Variants in NALCN observed in about 807,000 individuals in gnomAD.
NALCN encodes the protein sodium leak channel, non-selective.
In NALCN, 111 loss-of-function variants were observed where a neutral mutation model predicts 225.3. The observed-to-expected ratio is 0.49, with a 90% CI of 0.42 to 0.58. The LOEUF is 0.58. Among genes scored for constraint, NALCN ranks in the 20% least tolerant of loss-of-function variants. The pLI, the probability that NALCN is intolerant of heterozygous loss-of-function variation, is 0.00. For synonymous variants in NALCN, 764 were observed against 769.0 expected, an observed-to-expected ratio of 0.99 and a Z score of 0.11; for missense variants, 1,378 against 2,202.4, an observed-to-expected ratio of 0.63 and a Z score of 7.49.
intron 6 of NALCN, among the ~76,000 whole-genome samples, chr13:101,346,087 CTA>C (rs71121188): frequency 0.11 from 7,587 of 70,860 alleles, 441 homozygotes; most frequent in African/African-American, 0.18. Flanking sequence ...CTCTCTCTCT[CTA>C]TATATATATA....
At chr13:101,117,821 T>A (rs1482813353) in intron 18 of NALCN, among the ~76,000 whole-genome samples, 1 of 152,212 alleles carries the variant, frequency 6.6e-6, no homozygotes, top group Middle Eastern at 3.2e-3. Context: ...AAAGCTGCCA[T>A]CAACATCAAT....
At position 101,074,549 on chromosome 13, in the gene NALCN, T is replaced by G; in HGVS notation, c.4068A>C (p.Leu1356Phe). 1 of 1,613,182 alleles carries G rather than the reference T, an allele frequency of 6.2e-7. No individual in the cohort carries two copies. The highest frequency in any genetic ancestry group is 8.5e-7 in the Non-Finnish European group (1 of 1,179,800). The stretch of plus-strand genomic sequence containing the variant: ...TCTCCCCATATTTCACAGTACCAAA[T>G]AAAACAACTCCAGCAAAAGCGTAAC... Reference protein sequence around the residue: ...LLCYAFAGVVLFGTVKYGENI... With the variant: ...LLCYAFAGVVFFGTVKYGENI... The change falls in exon 36 of 44, where the codon TTA becomes TTC. Residue 1356 changes from leucine to phenylalanine, a missense_variant. By Grantham distance (22) the Leu-to-Phe change is conservative. Transcript: ENST00000251127.
chr13:101,198,346 G>A (rs1594416675), intron 13 of NALCN, among the ~76,000 whole-genome samples: 1 of 152,162 alleles, frequency 6.6e-6, no homozygotes, highest in Non-Finnish European at 1.5e-5. Flanking sequence ...CCATCAGAGT[G>A]AACAGGCAAC....
chr13:101,298,022 C>A (rs2043819356), intron 7 of NALCN, among the ~76,000 whole-genome samples: 1 of 152,202 alleles, frequency 6.6e-6, no homozygotes, highest in Non-Finnish European at 1.5e-5. Context: ...CGTTACTCAA[C>A]CACTATACAT....
intron 7 of NALCN, among the ~76,000 whole-genome samples, chr13:101,327,577 T>C (rs528386714): frequency 2.6e-5 from 4 of 152,292 alleles, no homozygotes; most frequent in African/African-American, 7.2e-5. Flanking sequence ...ACATAGCCTG[T>C]GTATTTGTGA....
At chr13:101,160,113 CCTGA>C (rs2038099986) in intron 15 of NALCN, among the ~76,000 whole-genome samples, 2 of 151,984 alleles carry the variant, frequency 1.3e-5, no homozygotes, top group Admixed American at 6.6e-5. Context: ...CACCACCATG[CCTGA>C]CTAATTTTTT....
intron 20 of NALCN, among the ~76,000 whole-genome samples, chr13:101,109,571 C>G (rs1436994551): frequency 6.6e-6 from 1 of 152,168 alleles, no homozygotes; most frequent in East Asian, 1.9e-4. Context: ...TGCTAGCCCT[C>G]CTTTCTCAAG....
At position 101,116,642 on chromosome 13, in the gene NALCN, T is replaced by G. The variant is rs193110068; in HGVS notation, c.2193-5416A>C. ...GAGTCTTCAAATTATTTTCACTCAT[T>G]ATAGAAAAGTTAGATTACACAATAC... On this transcript the variant is annotated intron_variant, in intron 18 of 43. Coordinates refer to ENST00000251127, the MANE Select transcript of NALCN (RefSeq NM_052867.4). The G allele has an allele frequency of 2.5e-5, 11 of 447,398 alleles. No individual in the cohort carries two copies. In the Admixed American group the frequency reaches 3.0e-4, roughly 12 times the overall value. 27.7% of individuals were successfully genotyped at this position (447,398 alleles called of 1,614,324 possible).
rs569737856 is a variant in NALCN, at chr13:101,149,242, A to G, written c.1840-4346T>C. ...CGGGAGGTGGAGCTTACAGTGAGCCAAGATTGTGCCACTGCACTCCAGCCT... is the reference window on the plus strand; with the variant it reads ...CGGGAGGTGGAGCTTACAGTGAGCCGAGATTGTGCCACTGCACTCCAGCCT... On this transcript the variant is annotated intron_variant, in intron 15 of 43. Coordinates refer to ENST00000251127, the MANE Select transcript of NALCN (RefSeq NM_052867.4). Among the ~76,000 whole-genome samples, 517 of 152,086 alleles carry G rather than the reference A, an allele frequency of 3.4e-3. 7 individuals carry two copies. The highest frequency in any genetic ancestry group is 0.01 in the African/African-American group (423 of 41,476).
Position 101,104,435 on chromosome 13 carries a change from G to A in NALCN, c.2758-9C>T. 6.2e-7 allele frequency: 1 copy of A among 1,612,504 alleles called. No individual in the cohort carries two copies. The highest frequency in any genetic ancestry group is 8.5e-7 in the Non-Finnish European group (1 of 1,178,962). On this transcript the variant is annotated splice_polypyrimidine_tract_variant and intron_variant, in intron 24 of 43. Transcript: ENST00000251127. This position sits in a 1 kb window ranked among gnomAD's most constrained non-coding sequence, Gnocchi z 4.2. The stretch of plus-strand genomic sequence containing the variant: ...AACACATACTCAGCAATCTGAAACG[G>A]GCAAAAGGCAGTTTGGTTACAATGA...
At chr13:101,399,544 T>C (rs910800297) in intron 1 of NALCN, among the ~76,000 whole-genome samples, 3 of 152,180 alleles carry the variant, frequency 2.0e-5, no homozygotes, top group Non-Finnish European at 2.9e-5. Context: ...TGCTGAGTAA[T>C]ACAGATGAAA....
At chr13:101,140,265 A>AGG (rs1594290437) in intron 17 of NALCN, among the ~76,000 whole-genome samples, 1 of 152,106 alleles carries the variant, frequency 6.6e-6, no homozygotes, top group East Asian at 1.9e-4. Flanking sequence ...GGGCGCACAG[A>AGG]GGGGCGGGCC....
chr13:101,151,443 T>C (rs2139825027), intron 15 of NALCN, among the ~76,000 whole-genome samples: 1 of 152,344 alleles, frequency 6.6e-6, no homozygotes, highest in South Asian at 2.1e-4. Flanking sequence ...CATTCAGACT[T>C]GGGAGATTCT....
At chr13:101,108,223 T>G (rs1192916291) in intron 20 of NALCN, among the ~76,000 whole-genome samples, 1 of 151,402 alleles carries the variant, frequency 6.6e-6, no homozygotes, top group Non-Finnish European at 1.5e-5. Context: ...TACGATTAAA[T>G]GTACATATTT....
chr13:101,351,472 C>T (rs565503289), intron 6 of NALCN, among the ~76,000 whole-genome samples: 2 of 152,254 alleles, frequency 1.3e-5, no homozygotes, highest in South Asian at 2.1e-4. Flanking sequence ...GAACTTGTTA[C>T]TAAAATTGTT....
chr13:101,205,121 C>T (rs1001768361), intron 13 of NALCN, among the ~76,000 whole-genome samples: 3 of 152,078 alleles, frequency 2.0e-5, no homozygotes, highest in Non-Finnish European at 2.9e-5. Flanking sequence ...CTAATAATTG[C>T]TGATCCCTTT....
chr13:101,350,776 G>A (rs1410269072), intron 6 of NALCN, among the ~76,000 whole-genome samples: 4 of 152,048 alleles, frequency 2.6e-5, no homozygotes, highest in Non-Finnish European at 5.9e-5. Context: ...AATGTGAGTG[G>A]GACTCATCTT....
intron 13 of NALCN, among the ~76,000 whole-genome samples, chr13:101,207,468 T>C (rs928540077): frequency 6.6e-6 from 1 of 152,226 alleles, no homozygotes; most frequent in Non-Finnish European, 1.5e-5. Flanking sequence ...CTATCCAAGA[T>C]TAAGATTTTA....
At chr13:101,279,796 G>A (rs1259009941) in intron 10 of NALCN, among the ~76,000 whole-genome samples, 1 of 148,264 alleles carries the variant, frequency 6.7e-6, no homozygotes, top group African/African-American at 2.5e-5. Context: ...CAGCCTGGGC[G>A]ACAGAGCGAG....
Sources: gnomAD v4.1 joint callset for allele counts (sites outside exome capture counted in the v4.1 genomes callset) on GRCh38, gnomAD v4.1.1 for gene constraint, Gnocchi (gnomAD v3.1) non-coding constraint, MANE v1.5 for transcripts, NCBI Gene and HGNC (gene_info 2026-07-23, HGNC 2026-07-21) for gene names.